TAF4: variants seen among roughly 807,000 people sequenced by gnomAD.
TAF4 encodes TATA-box binding protein associated factor 4, also known as transcription initiation factor TFIID subunit 4.
A neutral mutation model predicts 90.3 loss-of-function variants in TAF4; 9 were observed. The observed-to-expected ratio is 0.10, with a 90% confidence interval of 0.06 to 0.17. The LOEUF (loss-of-function observed/expected upper bound fraction) is 0.17. Among genes scored for constraint, TAF4 ranks in the 10% least tolerant of loss-of-function variants. The pLI is 1.00. For synonymous variants in TAF4, 818 were observed against 638.9 expected, an observed-to-expected ratio of 1.28 and a Z score of -4.23; for missense variants, 1,351 against 1,370.7, an observed-to-expected ratio of 0.99 and a Z score of 0.23.
chr20:62,006,781 G>T lies in TAF4; in HGVS notation c.1975-23C>A. The T allele has an allele frequency of 6.9e-7, 1 of 1,456,908 alleles. No individual in the cohort carries two copies. Among genetic ancestry groups the T allele is most frequent in the East Asian group, 2.5e-5 (1 of 39,484 alleles). The allele number at this position is 1,456,908 out of a possible 1,614,324, so 90.2% of individuals were successfully genotyped here. A position where few individuals can be genotyped will look rare whatever the true frequency, so the allele number is the denominator to read the frequency against. Reference sequence around the variant, plus strand: ...CCTCTGGGTGGAAAGACAGACACGAGGGGTCAGGCGGCTGCTCATGCGTCG... The same window carrying T: ...CCTCTGGGTGGAAAGACAGACACGATGGGTCAGGCGGCTGCTCATGCGTCG... On this transcript the variant is annotated intron_variant, in intron 6 of 14. Transcript: ENST00000252996. The surrounding 1 kb of genome is among the most constrained non-coding windows in gnomAD (Gnocchi z 7.0).
Position 62,010,055 on chromosome 20 carries a change from T to A in TAF4, c.1752A>T (p.Ser584=). Residue 584 remains serine, a synonymous_variant, in exon 4 of 15, where the codon TCA becomes TCT. Transcript: ENST00000252996. This position sits in a 1 kb window ranked among gnomAD's most constrained non-coding sequence, Gnocchi z 4.5. Reference sequence around the variant, plus strand: ...AAGGAGTGGCTCTTACCGTGGCAGCTGAGGAAGTGGTGGTCGCCCCTGGTA... The same window carrying A: ...AAGGAGTGGCTCTTACCGTGGCAGCAGAGGAAGTGGTGGTCGCCCCTGGTA... ...RTVPGATTTS[S]AATETMENVK... is the part of the protein sequence containing the mutation. 6.2e-7 allele frequency: 1 copy of A among 1,613,322 alleles called. No individual in the cohort carries two copies. The highest frequency in any genetic ancestry group is 1.3e-5 in the African/African-American group (1 of 74,940).
intron 1 of TAF4, among the ~76,000 whole-genome samples, chr20:62,016,697 C>A (rs1420523663): frequency 6.6e-6 from 1 of 152,220 alleles, no homozygotes; most frequent in Non-Finnish European, 1.5e-5. Context: ...ACCTTGTGAT[C>A]CTGAGAGTCA....
At chr20:62,015,581 A>G (rs1203436310) in intron 1 of TAF4, among the ~76,000 whole-genome samples, 4 of 152,138 alleles carry the variant, frequency 2.6e-5, no homozygotes, top group African/African-American at 9.7e-5. Flanking sequence ...CACACGTGCA[A>G]TGAGGCACCG....
intron 7 of TAF4, among the ~76,000 whole-genome samples, chr20:62,004,136 T>C (rs150681694): frequency 1.3e-5 from 2 of 152,106 alleles, no homozygotes; most frequent in African/African-American, 2.4e-5. Context: ...GCAGATCTGC[T>C]GCCTAGAAGC....
intron 1 of TAF4, among the ~76,000 whole-genome samples, chr20:62,063,377 C>A (rs568816516): frequency 6.6e-6 from 1 of 152,244 alleles, no homozygotes; most frequent in Non-Finnish European, 1.5e-5. Flanking sequence ...CACCGCGCTG[C>A]TACAACTGCA....
chr20:61,997,537 A>T lies in TAF4; in HGVS notation c.3090+13T>A, dbSNP rs753093670. ...GTTTCCCCCAGGACCTCGATCCCAC[A>T]ACACTGCCGTACCTCTGCTCCTGAG... On this transcript the variant is annotated intron_variant, in intron 14 of 14. Coordinates refer to ENST00000252996, the MANE Select transcript of TAF4 (RefSeq NM_003185.4). The T allele has an allele frequency of 1.3e-6, 2 of 1,568,178 alleles. No individual in the cohort carries two copies. Among genetic ancestry groups the T allele is most frequent in the Non-Finnish European group, 8.6e-7 (1 of 1,159,856 alleles).
At chr20:61,999,394 C>CTTTTT (rs1568926803) in intron 11 of TAF4, among the ~76,000 whole-genome samples, 1 of 152,164 alleles carries the variant, frequency 6.6e-6, no homozygotes, top group Non-Finnish European at 1.5e-5. Flanking sequence ...TAACATTTAC[C>CTTTTT]TTTTTTGCTG....
intron 1 of TAF4, among the ~76,000 whole-genome samples, chr20:62,059,366 A>G (rs2056077444): frequency 6.6e-6 from 1 of 152,266 alleles, no homozygotes; most frequent in African/African-American, 2.4e-5. Flanking sequence ...GTAAAAATCA[A>G]AAGTTTTCAC....
At chr20:62,013,135 C>T (rs2055789287) in intron 2 of TAF4, among the ~76,000 whole-genome samples, 1 of 152,242 alleles carries the variant, frequency 6.6e-6, no homozygotes, top group African/African-American at 2.4e-5. Context: ...TCCTATACTA[C>T]AATAAACATA....
chr20:61,998,075 C>T, intron 13 of TAF4, 61 bp downstream of exon 13: 2 of 1,507,558 alleles, frequency 1.3e-6, no homozygotes, highest in Non-Finnish European at 1.8e-6. Context: ...AGCCCCCCTC[C>T]CGTGGGGCGC....
rs1424992180 is a variant in TAF4 at position 62,036,036 on chromosome 20, A to ATTT, written c.1361-21330_1361-21329insAAA. On this transcript the variant is annotated intron_variant, in intron 1 of 14. Coordinates refer to ENST00000252996, the MANE Select transcript of TAF4 (RefSeq NM_003185.4). ...TTAATCAAATTTCTTTTTTTTTTTA[A>ATTT]AAAAAAAAAAGAGTTTTGCTCTTGT... Among the ~76,000 whole-genome samples, 1,164 of 146,626 alleles carry ATTT rather than the reference A, an allele frequency of 7.9e-3. 7 individuals carry two copies. The highest frequency in any genetic ancestry group is 0.022 in the African/African-American group (853 of 38,520).
chr20:62,032,328 G>C (rs1568937495), intron 1 of TAF4, among the ~76,000 whole-genome samples: 1 of 152,250 alleles, frequency 6.6e-6, no homozygotes, highest in Non-Finnish European at 1.5e-5. Flanking sequence ...CCAGGACACA[G>C]GACTTCTCTA....
chr20:62,064,808 C>T lies in TAF4; in HGVS notation c.1003G>A (p.Ala335Thr), dbSNP rs1454024898. The T allele has an allele frequency of 8.1e-6, 8 of 990,680 alleles. No individual in the cohort carries two copies. 61.4% of individuals were successfully genotyped at this position (990,680 alleles called of 1,614,324 possible). The change falls in exon 1 of 15, where the codon GCT becomes ACT. Residue 335 changes from alanine (A) to threonine (T), a missense_variant. By Grantham distance (58) the Ala-to-Thr change is moderately conservative. Transcript: ENST00000252996. ...VSGQPGPGAAAAAPAPGVKAE... is the reference protein window; with the variant it reads ...VSGQPGPGAATAAPAPGVKAE... ...TTGACCCCCGGCGCCGGCGCCGCAG[C>T]CGCCGCGCCGGGCCCGGGTTGGCCG...
chr20:62,020,223 T>C (rs1273523435), intron 1 of TAF4, among the ~76,000 whole-genome samples: 1 of 152,148 alleles, frequency 6.6e-6, no homozygotes. Flanking sequence ...CAGAGGGGCA[T>C]TTCCTCCCTC....
chr20:62,020,766 G>A (rs2055838159), intron 1 of TAF4, among the ~76,000 whole-genome samples: 1 of 152,184 alleles, frequency 6.6e-6, no homozygotes, highest in South Asian at 2.1e-4. Context: ...AAATTCCTGG[G>A]ATGACCAGAC....
chr20:62,065,275 C>T lies in TAF4; in HGVS notation c.536G>A (p.Gly179Asp). The change falls in exon 1 of 15, where the codon GGC becomes GAC. Residue 179 changes from glycine to aspartate, a missense_variant. Physicochemically the swap from Gly to Asp is moderately conservative, Grantham distance 94 (BLOSUM62 -1). Transcript: ENST00000252996. ...RAGPGPGPGPGPGPGPGPGKP... is the reference protein window; with the variant it reads ...RAGPGPGPGPDPGPGPGPGKP... Reference sequence around the variant, plus strand: ...GCCAGGGCCAGGGCCGGGGCCGGGGCCGGGGCCGGGCCCGGGGCCGGGGCC... The same window carrying T: ...GCCAGGGCCAGGGCCGGGGCCGGGGTCGGGGCCGGGCCCGGGGCCGGGGCC... 1 of 921,842 alleles carries T rather than the reference C, an allele frequency of 1.1e-6. No homozygotes were observed. The highest frequency in any genetic ancestry group is 1.3e-6 in the Non-Finnish European group (1 of 785,304). 57.1% of individuals were successfully genotyped at this position (921,842 alleles called of 1,614,324 possible). A position where few individuals can be genotyped will look rare whatever the true frequency, so the allele number is the denominator to read the frequency against.
chr20:62,050,791 G>C (rs1440664045), intron 1 of TAF4, among the ~76,000 whole-genome samples: 1 of 152,056 alleles, frequency 6.6e-6, no homozygotes, highest in African/African-American at 2.4e-5. Flanking sequence ...CTCTGCCGAG[G>C]AAACACACAC....
In TAF4 at chr20:62,041,851, A is replaced by ATGAGCC. The variant is rs777236092; in HGVS notation, c.1360+22594_1360+22599dup. Reference sequence around the variant, plus strand: ...GGGGAGGCCAAGGCAGGAGGATCACATGAGCCCAGGAGTTCAAGGCACCAC... The same window carrying ATGAGCC: ...GGGGAGGCCAAGGCAGGAGGATCACATGAGCCTGAGCCCAGGAGTTCAAGGCACCAC... On this transcript the variant is annotated intron_variant, in intron 1 of 14. Transcript: ENST00000252996. Among the ~76,000 whole-genome samples the ATGAGCC allele has an allele frequency of 1.3e-3, 200 of 151,132 alleles. 1 individual carries two copies. The highest frequency in any genetic ancestry group is 1.7e-3 in the Non-Finnish European group (112 of 67,740).
intron 14 of TAF4, among the ~76,000 whole-genome samples, chr20:61,978,497 G>A (rs868854966): frequency 1.4e-5 from 2 of 143,838 alleles, no homozygotes; most frequent in Admixed American, 6.7e-5. Flanking sequence ...AAGGGAGGGC[G>A]CGACACCAAC....
Sources: allele counts gnomAD v4.1 joint callset (sites outside exome capture counted in the v4.1 genomes callset), GRCh38; gene constraint gnomAD v4.1.1; non-coding constraint Gnocchi (gnomAD v3.1); transcripts MANE v1.5; gene names NCBI Gene and HGNC (gene_info 2026-07-23, HGNC 2026-07-21).